The following GLT1D1 variants were observed in gnomAD, a reference collection of about 807,000 sequenced individuals.
The protein encoded by GLT1D1 is glycosyltransferase 1 domain-containing protein 1.
A neutral mutation model predicts 28.7 loss-of-function variants in GLT1D1; 21 were observed. The ratio of observed to expected loss-of-function variants is 0.73; its 90% CI spans 0.52 to 1.05. The LOEUF is 1.05. Ranked by LOEUF, GLT1D1 falls within the 50% of genes least tolerant of loss-of-function variation. GLT1D1 has a pLI of 0.00. For missense variants in GLT1D1, 343 were observed against 330.6 expected (o/e 1.04, Z -0.29); for synonymous variants, 147 against 124.8 (o/e 1.18, Z -1.19).
rs183390546 is a variant in GLT1D1 at position 128,872,605 on chromosome 12, C to T, written c.69-3309C>T. Among the ~76,000 whole-genome samples, 6 of 152,242 alleles carry T rather than the reference C, an allele frequency of 3.9e-5. No individual in the cohort carries two copies. The East Asian group carries it at 1.2e-3, about 29-fold the overall frequency. ...GAGGCATTTATCCCAGAGACACGCTCAGCCATTAGTTGATTCCCTAAGCAG... is the reference window on the plus strand; with the variant it reads ...GAGGCATTTATCCCAGAGACACGCTTAGCCATTAGTTGATTCCCTAAGCAG... On this transcript the variant is annotated intron_variant, in intron 1 of 7. Transcript: ENST00000281703.
chr12:128,907,419 C>A (rs1870994501), intron 4 of GLT1D1, among the ~76,000 whole-genome samples: 1 of 151,850 alleles, frequency 6.6e-6, no homozygotes, highest in South Asian at 2.1e-4. Context: ...CATTCTCCTG[C>A]CTCAGCCTCC....
At chr12:128,981,665 A>G (rs1880330463) in intron 7 of GLT1D1, among the ~76,000 whole-genome samples, 1 of 152,232 alleles carries the variant, frequency 6.6e-6, no homozygotes, top group Admixed American at 6.5e-5. Context: ...AAAGCACTCT[A>G]TGTTGATCTT....
At chr12:128,883,434 A>G (rs1252861719) in intron 2 of GLT1D1, among the ~76,000 whole-genome samples, 10 of 151,326 alleles carry the variant, frequency 6.6e-5, no homozygotes. Flanking sequence ...TACTAAAAAT[A>G]CAAAAATTAG....
chr12:128,978,039 C>T (rs954754406), intron 7 of GLT1D1, among the ~76,000 whole-genome samples: 6 of 151,962 alleles, frequency 3.9e-5, no homozygotes, highest in Non-Finnish European at 7.4e-5. Context: ...CCCACTTCAG[C>T]CTCCCAAAAT....
At chr12:128,958,234 G>A (rs1795672) in intron 7 of GLT1D1, among the ~76,000 whole-genome samples, 66,537 of 151,922 alleles carry the variant, frequency 0.44, 15,379 homozygotes, top group East Asian at 0.63. Flanking sequence ...GCGGTCCAGG[G>A]TTTGCCTGCA....
intron 6 of GLT1D1, among the ~76,000 whole-genome samples, chr12:128,953,010 G>A (rs1876886568): frequency 6.6e-6 from 1 of 151,922 alleles, no homozygotes; most frequent in Admixed American, 6.6e-5. Context: ...TTGAACTCCT[G>A]GCCTCAAGTG....
intron 5 of GLT1D1, 22 bp downstream of exon 9, chr12:128,945,391 T>C: frequency 6.2e-7 from 1 of 1,607,016 alleles, no homozygotes. Context: ...TGGAGACCAG[T>C]CATTTTGCAG....
intron 1 of GLT1D1, among the ~76,000 whole-genome samples, chr12:128,867,706 G>T (rs1253754352): frequency 6.6e-6 from 1 of 152,208 alleles, no homozygotes; most frequent in Non-Finnish European, 1.5e-5. Flanking sequence ...GGCTGGCGTT[G>T]TTCCAGATGC....
chr12:128,869,988 G>A (rs1159715086), intron 1 of GLT1D1, among the ~76,000 whole-genome samples: 1 of 142,220 alleles, frequency 7.0e-6, no homozygotes, highest in Non-Finnish European at 1.5e-5. Context: ...ATGGCTTACT[G>A]CAACCTCTGT....
intron 7 of GLT1D1, among the ~76,000 whole-genome samples, chr12:128,973,031 G>A (rs1430400395): frequency 6.6e-6 from 1 of 151,996 alleles, no homozygotes; most frequent in African/African-American, 2.4e-5. Context: ...CGGAACCATT[G>A]ACCAGTGTTT....
intron 1 of GLT1D1, chr12:128,864,285 A>C: frequency 2.2e-6 from 1 of 455,266 alleles, no homozygotes; most frequent in Admixed American, 3.9e-5. Context: ...TTAGTCCTGC[A>C]CTAGGGGTGG....
rs375323637 is a variant in GLT1D1 at position 128,957,587 on chromosome 12, G to C, written c.583G>C (p.Gly195Arg). ...ACCGGTATTGGCCAGGAACATCCCCGGGAATGCTGCCGTGGTGAAGCATGA... is the reference window on the plus strand; with the variant it reads ...ACCGGTATTGGCCAGGAACATCCCCCGGAATGCTGCCGTGGTGAAGCATGA... Residue 195 changes from glycine to arginine, a missense_variant, in exon 7 of 8, where the codon GGG becomes CGG. Coordinates refer to ENST00000281703, the MANE Select transcript of GLT1D1 (RefSeq NM_144669.3). 1.2e-6 allele frequency: 2 copies of C among 1,613,760 alleles called. No homozygotes were observed. Among genetic ancestry groups the C allele is most frequent in the African/African-American group, 2.7e-5 (2 of 74,912 alleles).
In GLT1D1 at chr12:128,888,659, G is replaced by T; in HGVS notation, c.238G>T (p.Val80Phe). 1 of 1,613,290 alleles carries T rather than the reference G, an allele frequency of 6.2e-7. No individual in the cohort carries two copies. Among genetic ancestry groups the T allele is most frequent in the Non-Finnish European group, 8.5e-7 (1 of 1,179,328 alleles). The change falls in exon 3 of 8, where the codon GTC becomes TTC. Residue 80 changes from valine to phenylalanine, a missense_variant. Transcript: ENST00000281703. ...TGCAGGCCACCGAATCCCTTTTGGAGTCATCTTTGGTGGAACTGATGTAAA... is the reference window on the plus strand; with the variant it reads ...TGCAGGCCACCGAATCCCTTTTGGATTCATCTTTGGTGGAACTGATGTAAA...
chr12:128,921,695 T>C (rs1872671369), intron 4 of GLT1D1, among the ~76,000 whole-genome samples: 1 of 152,064 alleles, frequency 6.6e-6, no homozygotes, highest in Non-Finnish European at 1.5e-5. Context: ...ACAGCCTGTG[T>C]GACCAAAATG....
intron 4 of GLT1D1, among the ~76,000 whole-genome samples, chr12:128,899,840 C>G (rs1313728195): frequency 1.3e-5 from 2 of 152,152 alleles, no homozygotes; most frequent in East Asian, 3.8e-4. Context: ...GCATGAGCCA[C>G]CGAACCTGGC....
chr12:128,869,664 A>G (rs985987220), intron 1 of GLT1D1, among the ~76,000 whole-genome samples: 1 of 151,956 alleles, frequency 6.6e-6, no homozygotes, highest in Non-Finnish European at 1.5e-5. Context: ...GTGCCTTTCT[A>G]TTTGGATTAG....
intron 1 of GLT1D1, among the ~76,000 whole-genome samples, chr12:128,866,068 T>A (rs1956506779): frequency 8.5e-6 from 1 of 117,442 alleles, no homozygotes; most frequent in African/African-American, 2.8e-5. Flanking sequence ...TGATTGTACC[T>A]TTTTTTTTTT....
rs1367546282 is a variant in GLT1D1 at position 128,873,913 on chromosome 12, CTCTTTCTTTTTCTT to C, written c.69-1977_69-1964del. Among the ~76,000 whole-genome samples, 223 of 122,400 alleles carry C rather than the reference CTCTTTCTTTTTCTT, an allele frequency of 1.8e-3. 1 individual carries two copies. Among genetic ancestry groups the C allele is most frequent in the Middle Eastern group, 4.5e-3 (1 of 222 alleles). 80.3% of individuals were successfully genotyped at this position (122,400 alleles called of 152,430 possible). ...TCTTGCTCCCTTTCTCTTTCTTTCT[CTCTTTCTTTTTCTT>C]TCTTTCTTTTTCTTTCTTTCTTTCC... is the stretch of plus-strand genomic sequence containing the variant. On this transcript the variant is annotated intron_variant, in intron 1 of 7. Transcript: ENST00000281703.
chr12:128,976,791 A>G (rs1044760082), intron 7 of GLT1D1, among the ~76,000 whole-genome samples: 2 of 152,050 alleles, frequency 1.3e-5, no homozygotes, highest in South Asian at 4.2e-4. Flanking sequence ...CTTCTGTTCT[A>G]TGGCTTTGAG....
Sources: gnomAD v4.1 joint callset for allele counts (sites outside exome capture counted in the v4.1 genomes callset) on GRCh38, gnomAD v4.1.1 for gene constraint, MANE v1.5 for transcripts, NCBI Gene and HGNC (gene_info 2026-07-23, HGNC 2026-07-21) for gene names.